The following BRAF variants were observed in gnomAD, a reference collection of about 807,000 sequenced individuals.
BRAF encodes serine/threonine-protein kinase B-raf.
BRAF carries 16 observed loss-of-function variants against 104.6 expected under a neutral mutation model. The ratio of observed to expected loss-of-function variants is 0.15; its 90% CI spans 0.10 to 0.23. BRAF has a LOEUF of 0.23. BRAF is among the 10% of genes least tolerant of loss of function. The pLI is 1.00. For missense variants in BRAF, 541 were observed against 937.3 expected, an observed-to-expected ratio of 0.58 and a Z score of 5.52; for synonymous variants, 310 against 341.6, an observed-to-expected ratio of 0.91 and a Z score of 1.02.
intron 8 of BRAF, among the ~76,000 whole-genome samples, chr7:140,790,582 C>T (rs1267634): frequency 0.3 from 45,348 of 152,086 alleles, 10,785 homozygotes; most frequent in African/African-American, 0.66. Flanking sequence ...CTATGGAAGG[C>T]AAACACTACT....
intron 19 of BRAF, among the ~76,000 whole-genome samples, chr7:140,727,479 C>T (rs962129638): frequency 3.9e-5 from 6 of 151,994 alleles, no homozygotes; most frequent in Non-Finnish European, 7.4e-5. Context: ...CCACTGCACC[C>T]GGCCGCCATT....
At chr7:140,861,486 G>A (rs1267619) in intron 1 of BRAF, among the ~76,000 whole-genome samples, 14,810 of 152,114 alleles carry the variant, frequency 0.097, 783 homozygotes, top group South Asian at 0.19. Flanking sequence ...GCAAAGGATC[G>A]CGTGGGTCTA....
intron 2 of BRAF, among the ~76,000 whole-genome samples, chr7:140,843,533 T>G (rs1479169323): frequency 6.6e-6 from 1 of 152,210 alleles, no homozygotes; most frequent in Non-Finnish European, 1.5e-5. Flanking sequence ...TTTTATGGAT[T>G]GGGATTTATT....
chr7:140,825,934 T>C (rs1454733819), intron 3 of BRAF, among the ~76,000 whole-genome samples: 2 of 152,194 alleles, frequency 1.3e-5, no homozygotes, highest in African/African-American at 2.4e-5. Context: ...ATTTATGTCA[T>C]TTGTAAATGT....
At chr7:140,813,323 C>A (rs765392454) in intron 3 of BRAF, among the ~76,000 whole-genome samples, 2 of 152,016 alleles carry the variant, frequency 1.3e-5, no homozygotes, top group Non-Finnish European at 2.9e-5. Flanking sequence ...GGAAAGCAAA[C>A]CCAAACTAGT....
intron 14 of BRAF, among the ~76,000 whole-genome samples, chr7:140,772,072 A>G (rs1408295641): frequency 1.3e-5 from 2 of 152,132 alleles, no homozygotes; most frequent in East Asian, 3.8e-4. Flanking sequence ...GTGCCATTTG[A>G]TCCATGGGAA....
chr7:140,895,595 C>T (rs1026202372), intron 1 of BRAF, among the ~76,000 whole-genome samples: 1 of 152,152 alleles, frequency 6.6e-6, no homozygotes, highest in Admixed American at 6.5e-5. Context: ...CCTACTATTC[C>T]CAGCCCGAGT....
chr7:140,809,058 T>TA (rs1013787717), intron 3 of BRAF, 63 bp from the exon 4 acceptor site: 3 of 1,343,080 alleles, frequency 2.2e-6, no homozygotes, highest in African/African-American at 2.9e-5. Flanking sequence ...TTCATATCAT[T>TA]AAAAAAATTT....
chr7:140,764,253 C>T (rs879377786), intron 14 of BRAF, among the ~76,000 whole-genome samples: 19 of 151,496 alleles, frequency 1.3e-4, no homozygotes, highest in Non-Finnish European at 2.1e-4. Context: ...AACAACCCTT[C>T]ATGCTAAAAA....
intron 7 of BRAF, among the ~76,000 whole-genome samples, chr7:140,798,559 CTTTT>C (rs1033928919): frequency 1.6e-5 from 2 of 125,340 alleles, no homozygotes; most frequent in Non-Finnish European, 1.7e-5. Flanking sequence ...CGCGCCCGGC[CTTTT>C]TTTTTTTTTT....
chr7:140,824,596 A>G (rs985014735), intron 3 of BRAF, among the ~76,000 whole-genome samples: 8 of 151,920 alleles, frequency 5.3e-5, no homozygotes, highest in Admixed American at 3.9e-4. Context: ...TGCTTTGGCT[A>G]TACGGGATTC....
intron 3 of BRAF, among the ~76,000 whole-genome samples, chr7:140,819,265 CA>C (rs757699947): frequency 6.6e-6 from 1 of 152,074 alleles, no homozygotes; most frequent in African/African-American, 2.4e-5. Flanking sequence ...TAAAAGCCAA[CA>C]ATCACACAAA....
At position 140,725,831 on chromosome 7, in the gene BRAF, C is replaced by T; in HGVS notation, c.*663G>A. 4 of 1,063,216 alleles carry T rather than the reference C, an allele frequency of 3.8e-6. No homozygotes were observed. The highest frequency in any genetic ancestry group is 4.6e-6 in the Non-Finnish European group (4 of 878,032). The allele number at this position is 1,063,216 out of a possible 1,614,324, so 65.9% of individuals were successfully genotyped here. A position where few individuals can be genotyped will look rare whatever the true frequency, so the allele number is the denominator to read the frequency against. On this transcript the variant is annotated 3_prime_UTR_variant, in exon 20 of 20. Transcript: ENST00000644969. ...AGCAAGGAAACAAAAGGCCAGAGAC[C>T]CCGGAGGTCAGGAAGAAGATGCAGC...
At chr7:140,759,322 C>A (rs1798470289) in intron 14 of BRAF, among the ~76,000 whole-genome samples, 1 of 152,178 alleles carries the variant, frequency 6.6e-6, no homozygotes, top group South Asian at 2.1e-4. Flanking sequence ...TCTTTACCAG[C>A]AATGTATGAG....
At chr7:140,715,730 G>A (rs1183686343), downstream of BRAF, among the ~76,000 whole-genome samples, 3 of 152,224 alleles carry the variant, frequency 2.0e-5, no homozygotes, top group South Asian at 2.1e-4. Flanking sequence ...CGTGGGAGGA[G>A]TCCCAAAAGG....
chr7:140,756,205 G>C (rs568706049), intron 14 of BRAF, among the ~76,000 whole-genome samples: 1 of 152,254 alleles, frequency 6.6e-6, no homozygotes, highest in South Asian at 2.1e-4. Context: ...ATTTGTTATA[G>C]GCCGAGTTGC....
intron 3 of BRAF, among the ~76,000 whole-genome samples, chr7:140,824,686 G>C (rs1562978997): frequency 6.7e-6 from 1 of 150,176 alleles, no homozygotes; most frequent in South Asian, 2.1e-4. Flanking sequence ...ATTTTGAAAA[G>C]GTTTCATTAA....
At chr7:140,820,397 C>T (rs1192929487) in intron 3 of BRAF, among the ~76,000 whole-genome samples, 1 of 152,066 alleles carries the variant, frequency 6.6e-6, no homozygotes, top group African/African-American at 2.4e-5. Context: ...GATATATGTA[C>T]TTAAATATAT....
At chr7:140,877,297 G>C (rs1397437845) in intron 1 of BRAF, among the ~76,000 whole-genome samples, 1 of 99,164 alleles carries the variant, frequency 1.0e-5, no homozygotes, top group Non-Finnish European at 2.1e-5. Context: ...AAGAGATGGG[G>C]GGGGGGGTGG....
Sources: allele counts gnomAD v4.1 joint callset (sites outside exome capture counted in the v4.1 genomes callset), GRCh38; gene constraint gnomAD v4.1.1; transcripts MANE v1.5; gene names NCBI Gene and HGNC (gene_info 2026-07-23, HGNC 2026-07-21).